Variants in OLFM3 observed in about 807,000 individuals in gnomAD.
OLFM3 encodes the protein noelin-3.
OLFM3 carries 20 observed loss-of-function variants against 48.6 expected under a neutral mutation model. That is an observed-to-expected ratio of 0.41 (90% CI 0.29 to 0.60). OLFM3 has a LOEUF of 0.60. Ranked by LOEUF, OLFM3 falls within the 20% of genes least tolerant of loss-of-function variation. The pLI, the probability that OLFM3 is intolerant of heterozygous loss-of-function variation, is 0.28. For synonymous variants in OLFM3, 222 were observed against 198.1 expected, an observed-to-expected ratio of 1.12 and a Z score of -1.01; for missense variants, 437 against 544.3, an observed-to-expected ratio of 0.80 and a Z score of 1.96.
chr1:101,995,631 C>T (rs1247290584), intron 1 of OLFM3, among the ~76,000 whole-genome samples: 10 of 152,100 alleles, frequency 6.6e-5, no homozygotes, highest in Admixed American at 5.9e-4. Flanking sequence ...AATATCACAA[C>T]CACAGTATTA....
chr1:101,851,691 A>G (rs746853678), intron 1 of OLFM3, among the ~76,000 whole-genome samples: 1 of 152,104 alleles, frequency 6.6e-6, no homozygotes, highest in Non-Finnish European at 1.5e-5. Context: ...AAGTCGAGGT[A>G]ACTACTAGAA....
intron 1 of OLFM3, among the ~76,000 whole-genome samples, chr1:101,955,931 G>A (rs1660275042): frequency 6.6e-6 from 1 of 151,640 alleles, no homozygotes; most frequent in South Asian, 2.1e-4. Flanking sequence ...CTTTACCTCA[G>A]TTAATGGCAT....
intron 1 of OLFM3, among the ~76,000 whole-genome samples, chr1:101,863,184 A>G (rs1485715257): frequency 6.6e-6 from 1 of 152,136 alleles, no homozygotes; most frequent in Non-Finnish European, 1.5e-5. Context: ...CTGGTCTCGA[A>G]CTGGACTCAA....
At chr1:101,973,499 A>G (rs918541440) in intron 1 of OLFM3, among the ~76,000 whole-genome samples, 2 of 152,210 alleles carry the variant, frequency 1.3e-5, no homozygotes, top group African/African-American at 4.8e-5. Context: ...ATTCACAAAC[A>G]TACCTAGAAA....
chr1:101,916,713 A>G (rs1231482209), intron 1 of OLFM3, among the ~76,000 whole-genome samples: 1 of 152,212 alleles, frequency 6.6e-6, no homozygotes, highest in Non-Finnish European at 1.5e-5. Context: ...TGATTGTCAT[A>G]TATGACTGAA....
intron 1 of OLFM3, among the ~76,000 whole-genome samples, chr1:101,962,424 G>A (rs1236596779): frequency 6.6e-6 from 1 of 151,994 alleles, no homozygotes; most frequent in East Asian, 1.9e-4. Flanking sequence ...AATCACCTAT[G>A]ATATTTTTTA....
chr1:101,981,311 T>C (rs1661098776), intron 1 of OLFM3, among the ~76,000 whole-genome samples: 1 of 152,170 alleles, frequency 6.6e-6, no homozygotes, highest in African/African-American at 2.4e-5. Flanking sequence ...TTGTATCATA[T>C]ACTTTGTCTT....
At chr1:101,809,196 A>G (rs1364264541) in intron 4 of OLFM3, among the ~76,000 whole-genome samples, 1 of 151,774 alleles carries the variant, frequency 6.6e-6, no homozygotes, top group Non-Finnish European at 1.5e-5. Flanking sequence ...TCTCCCCAGT[A>G]ACAACACCTA....
At chr1:101,933,480 C>A (rs1659518772) in intron 1 of OLFM3, among the ~76,000 whole-genome samples, 1 of 151,866 alleles carries the variant, frequency 6.6e-6, no homozygotes, top group African/African-American at 2.4e-5. Flanking sequence ...GAGACCAAAT[C>A]AATGATTCAT....
At chr1:101,837,083 G>A (rs959713672) in intron 1 of OLFM3, 58 bp from the exon 2 acceptor site, 2 of 1,515,890 alleles carry the variant, frequency 1.3e-6, no homozygotes, top group Admixed American at 4.0e-5. Flanking sequence ...TAAAAAGAGT[G>A]TTGGTTTGTA....
At chr1:101,980,366 T>C (rs546017732) in intron 1 of OLFM3, among the ~76,000 whole-genome samples, 1 of 152,218 alleles carries the variant, frequency 6.6e-6, no homozygotes, top group South Asian at 2.1e-4. Flanking sequence ...ATCCCCATAA[T>C]CTCCATGTGT....
intron 4 of OLFM3, among the ~76,000 whole-genome samples, chr1:101,816,725 G>T (rs907737347): frequency 6.6e-6 from 1 of 152,124 alleles, no homozygotes; most frequent in African/African-American, 2.4e-5. Flanking sequence ...AGGGAACATT[G>T]AATAGATAGT....
intron 1 of OLFM3, among the ~76,000 whole-genome samples, chr1:101,854,465 G>A (rs902106960): frequency 2.0e-5 from 3 of 152,038 alleles, no homozygotes; most frequent in African/African-American, 7.2e-5. Flanking sequence ...GGCAGCTGTT[G>A]TTGCTACTTC....
intron 1 of OLFM3, among the ~76,000 whole-genome samples, chr1:101,880,365 A>G (rs1335757290): frequency 1.3e-5 from 2 of 151,856 alleles, no homozygotes; most frequent in African/African-American, 2.4e-5. Context: ...AAAAAGAGTT[A>G]TACATAATAT....
chr1:101,946,937 G>A (rs1175341026), intron 1 of OLFM3, among the ~76,000 whole-genome samples: 2 of 152,134 alleles, frequency 1.3e-5, no homozygotes, highest in African/African-American at 4.8e-5. Flanking sequence ...ACATAGTGAA[G>A]TAAAAAACAA....
chr1:101,859,736 T>G (rs1022951183), intron 1 of OLFM3: 2 of 152,144 alleles, frequency 1.3e-5, no homozygotes, highest in Non-Finnish European at 2.9e-5. Flanking sequence ...TCAACCTATA[T>G]AACAGAAAGT....
chr1:101,813,048 A>C (rs1038117421), intron 4 of OLFM3: 26 of 1,255,494 alleles, frequency 2.1e-5, no homozygotes, highest in Non-Finnish European at 2.7e-5. Flanking sequence ...AAAGGTGAAC[A>C]GGGAGGCAAG....
chr1:101,908,607 T>A (rs1333730091), intron 1 of OLFM3, among the ~76,000 whole-genome samples: 1 of 152,200 alleles, frequency 6.6e-6, no homozygotes, highest in African/African-American at 2.4e-5. Flanking sequence ...AAAAGATATG[T>A]ACATGTCCTA....
chr1:101,855,060 G>A (rs755945550), intron 1 of OLFM3, among the ~76,000 whole-genome samples: 10 of 152,002 alleles, frequency 6.6e-5, no homozygotes, highest in Non-Finnish European at 1.5e-4. Context: ...AAACTTTGGA[G>A]TAAATTAACA....
Sources: allele counts gnomAD v4.1 joint callset (sites outside exome capture counted in the v4.1 genomes callset), GRCh38; gene constraint gnomAD v4.1.1; transcripts MANE v1.5; gene names NCBI Gene and HGNC (gene_info 2026-07-23, HGNC 2026-07-21).